The following NUPR2 variants were observed in gnomAD, a reference collection of about 807,000 sequenced individuals.
The protein encoded by NUPR2 is nuclear protein 2, transcriptional regulator, also known as nuclear protein 2.
In NUPR2, 14 loss-of-function variants were observed where a neutral mutation model predicts 7.3. That is an observed-to-expected ratio of 1.93 (90% CI 1.27 to 3.01). The LOEUF is 3.01. Ranked by LOEUF, NUPR2 falls within the 30% of genes most tolerant of loss-of-function variation. The pLI is 0.00. For missense variants in NUPR2, 162 were observed against 143.7 expected (o/e 1.13, Z -0.65); for synonymous variants, 56 against 59.7 (o/e 0.94, Z 0.29).
chr7:56,114,856 G>C lies in NUPR2; in HGVS notation c.*48C>G, dbSNP rs1174443817. ...CTCTCCTCCTCAGAACCAAGTTACA[G>C]TTGGAGTTACAGTAAATACTTCGAA... On this transcript the variant is annotated 3_prime_UTR_variant, in exon 2 of 2. Transcript: ENST00000329309. 1 of 152,244 alleles carries C rather than the reference G, an allele frequency of 6.6e-6. No homozygotes were observed. The highest frequency in any genetic ancestry group is 2.4e-5 in the African/African-American group (1 of 41,462). The allele number at this position is 152,244 out of a possible 1,614,324, so 9.4% of individuals were successfully genotyped here.
Position 56,116,299 on chromosome 7 carries a change from C to G in NUPR2, c.16G>C (p.Glu6Gln), listed in dbSNP as rs1218858687. 30 of 1,452,588 alleles carry G rather than the reference C, an allele frequency of 2.1e-5. No individual in the cohort carries two copies. The highest frequency in any genetic ancestry group is 1.1e-4 in the East Asian group (4 of 35,682). 90.0% of individuals were successfully genotyped at this position (1,452,588 alleles called of 1,614,324 possible). Residue 6 changes from glutamate (E) to glutamine (Q), a missense_variant, in exon 1 of 2, where the codon GAG becomes CAG. Transcript: ENST00000329309. MEAPA[E>Q]RALPRLQALA... The stretch of plus-strand genomic sequence containing the variant: ...GCCTGCAGACGTGGAAGCGCCCGCT[C>G]TGCGGGCGCTTCCATCCTGCCCAGG...
intron 1 of NUPR2, among the ~76,000 whole-genome samples, chr7:56,115,563 C>T (rs1214712374): frequency 1.4e-5 from 2 of 141,296 alleles, no homozygotes; most frequent in African/African-American, 5.3e-5. Flanking sequence ...TCAAGCCATT[C>T]CCCTGCTTCA....
rs1215839928 is a variant in NUPR2, at chr7:56,115,437, G to T, written c.*7-540C>A. 8.4e-3 allele frequency among the ~76,000 whole-genome samples: 122 copies of T among 14,586 alleles called. 12 individuals are homozygous for T. The highest frequency in any genetic ancestry group is 0.041 in the African/African-American group (109 of 2,640). The allele number at this position is 14,586 out of a possible 152,430, so 9.6% of individuals were successfully genotyped here. ...TATATATATATATATATTTGTGTGTGTGTGTGTGTGTGTGTGTGTGTGTGT... is the reference window on the plus strand; with the variant it reads ...TATATATATATATATATTTGTGTGTTTGTGTGTGTGTGTGTGTGTGTGTGT... On this transcript the variant is annotated intron_variant, in intron 1 of 1. Coordinates refer to ENST00000329309, the MANE Select transcript of NUPR2 (RefSeq NM_001145712.2).
At chr7:56,115,649 T>A (rs1359293795) in intron 1 of NUPR2, among the ~76,000 whole-genome samples, 4 of 110,480 alleles carry the variant, frequency 3.6e-5, no homozygotes, top group East Asian at 7.7e-4. Flanking sequence ...ATATATATAT[T>A]TTAGTAGAGA....
chr7:56,115,426 TATTTGTGTGTG>T (rs1785528207), intron 1 of NUPR2, among the ~76,000 whole-genome samples: 9 of 48,712 alleles, frequency 1.8e-4, no homozygotes, highest in Non-Finnish European at 2.9e-4. Flanking sequence ...TATATATATA[TATTTGTGTGTG>T]TGTGTGTGTG....
At position 56,116,045 on chromosome 7, in the gene NUPR2, G is replaced by C. The variant is rs991181610; in HGVS notation, c.270C>G (p.Pro90=). The change falls in exon 1 of 2, where the codon CCC becomes CCG. Residue 90 remains proline, a synonymous_variant. Transcript: ENST00000329309. The stretch of plus-strand genomic sequence containing the variant: ...CTCAGGTGAGGCGAGTGCGCATCTT[G>C]GGATGCAGCTGGCGCTGGCGGCGCT... ...QRKRRQRQLH[P]KMRTRLT is the part of the protein sequence containing the mutation. 12 of 1,492,218 alleles carry C rather than the reference G, an allele frequency of 8.0e-6. No individual in the cohort carries two copies. Among genetic ancestry groups the C allele is most frequent in the Non-Finnish European group, 9.8e-6 (11 of 1,123,684 alleles). 92.4% of individuals were successfully genotyped at this position (1,492,218 alleles called of 1,614,324 possible).
chr7:56,115,420 T>TATATAC (rs1554376510), intron 1 of NUPR2, among the ~76,000 whole-genome samples: 16 of 52,186 alleles, frequency 3.1e-4, no homozygotes, highest in African/African-American at 4.1e-4. Flanking sequence ...TATATATATA[T>TATATAC]ATATATATTT....
chr7:56,115,975 C>A, intron 1 of NUPR2, 40 bp downstream of exon 1: 1 of 1,410,466 alleles, frequency 7.1e-7, no homozygotes, highest in South Asian at 1.5e-5. Context: ...CTCCTAGGGT[C>A]CCCGGGGCAC....
chr7:56,115,429 T>TATATATGTATATATATATA (rs1554376538), intron 1 of NUPR2, among the ~76,000 whole-genome samples: 410 of 30,862 alleles, frequency 0.013, 14 homozygotes, highest in East Asian at 0.063. Context: ...ATATATATAT[T>TATATATGTATATATATATA]TGTGTGTGTG....
chr7:56,114,934 T>G (rs1360073540), intron 1 of NUPR2, 37 bp from the exon 2 acceptor site: 1 of 152,138 alleles, frequency 6.6e-6, no homozygotes, highest in Non-Finnish European at 1.5e-5. Context: ...GGTCATTTAC[T>G]TTTTTGTTTT....
rs1209735600 is a variant in NUPR2, at chr7:56,116,239, C to T, written c.76G>A (p.Glu26Lys). The T allele has an allele frequency of 1.2e-5, 19 of 1,543,826 alleles. No individual in the cohort carries two copies. The highest frequency in any genetic ancestry group is 1.6e-5 in the Non-Finnish European group (18 of 1,144,066). The change falls in exon 1 of 2, where the codon GAG (glutamate) becomes AAG (lysine). Residue 26 changes from glutamate to lysine, a missense_variant. Physicochemically the swap from Glu to Lys is moderately conservative, Grantham distance 56. Transcript: ENST00000329309. ...TAGTCCAGGCAGTCGTAAAGCTCCT[C>T]CTCGTAGCTTATGGGTGGCGGCGGC... ...ARPPPPISYE[E>K]ELYDCLDYYY...
rs1162493351 is a variant in NUPR2 at position 56,116,294 on chromosome 7, CCGCTCTGCGGG to C, written c.10_20del (p.Pro4GlyfsTer105). The C allele has an allele frequency of 4.6e-5, 68 of 1,463,946 alleles. No individual in the cohort carries two copies. The highest frequency in any genetic ancestry group is 5.6e-5 in the Non-Finnish European group (63 of 1,116,580). 90.7% of individuals were successfully genotyped at this position (1,463,946 alleles called of 1,614,324 possible). On this transcript the variant is annotated frameshift_variant, in exon 1 of 2. Coordinates refer to ENST00000329309, the MANE Select transcript of NUPR2 (RefSeq NM_001145712.2). LOFTEE classifies it high-confidence loss of function. ...CCAGAGCCTGCAGACGTGGAAGCGC[CCGCTCTGCGGG>C]CGCTTCCATCCTGCCCAGGCCTGTG...
At chr7:56,115,428 T>TG (rs58684972) in intron 1 of NUPR2, among the ~76,000 whole-genome samples, 154 of 45,770 alleles carry the variant, frequency 3.4e-3, no homozygotes, top group South Asian at 9.3e-3. Context: ...TATATATATA[T>TG]TTGTGTGTGT....
Position 56,116,302 on chromosome 7 carries a change from C to G in NUPR2, c.13G>C (p.Ala5Pro). 39 of 1,390,668 alleles carry G rather than the reference C, an allele frequency of 2.8e-5. No homozygotes were observed. Among genetic ancestry groups the G allele is most frequent in the Admixed American group, 6.8e-5 (2 of 29,460 alleles). 86.1% of individuals were successfully genotyped at this position (1,390,668 alleles called of 1,614,324 possible). ...TGCAGACGTGGAAGCGCCCGCTCTGCGGGCGCTTCCATCCTGCCCAGGCCT... is the reference window on the plus strand; with the variant it reads ...TGCAGACGTGGAAGCGCCCGCTCTGGGGGCGCTTCCATCCTGCCCAGGCCT... MEAP[A>P]ERALPRLQAL... The change falls in exon 1 of 2, where the codon GCA (alanine) becomes CCA (proline). Residue 5 changes from alanine (A) to proline (P), a missense_variant. Physicochemically the swap from Ala to Pro is conservative, Grantham distance 27. Coordinates refer to ENST00000329309, the MANE Select transcript of NUPR2 (RefSeq NM_001145712.2).
At chr7:56,115,647 A>T (rs529986893) in intron 1 of NUPR2, among the ~76,000 whole-genome samples, 17 of 119,316 alleles carry the variant, frequency 1.4e-4, no homozygotes, top group African/African-American at 5.0e-4. Flanking sequence ...ATATATATAT[A>T]TTTTAGTAGA....
chr7:56,116,167 C>T lies in NUPR2; in HGVS notation c.148G>A (p.Gly50Ser). ...AGCGCCTGCTCGCGCCGAGTCCGGC[C>T]CTTGCTGCGCCCTGCCCCGCAGGCC... The part of the protein sequence containing the change: ...FPACGAGRSK[G>S]RTRREQALRT... The change falls in exon 1 of 2, where the codon GGC becomes AGC. Residue 50 changes from glycine (G) to serine (S), a missense_variant. Physicochemically the swap from Gly to Ser is moderately conservative, Grantham distance 56 (BLOSUM62 0). Coordinates refer to ENST00000329309, the MANE Select transcript of NUPR2 (RefSeq NM_001145712.2). The T allele has an allele frequency of 1.3e-6, 2 of 1,548,196 alleles. No homozygotes were observed. The highest frequency in any genetic ancestry group is 1.7e-6 in the Non-Finnish European group (2 of 1,145,752).
chr7:56,115,447 G>GTATATATATATATATATA (rs1167993713), intron 1 of NUPR2, among the ~76,000 whole-genome samples: 4 of 36,018 alleles, frequency 1.1e-4, no homozygotes, highest in East Asian at 3.2e-3. Flanking sequence ...GTGTGTGTGT[G>GTATATATATATATATATA]TGTGTGTGTG....
At chr7:56,115,429 T>TATATATTTGTG (rs1554376538) in intron 1 of NUPR2, among the ~76,000 whole-genome samples, 1 of 30,988 alleles carries the variant, frequency 3.2e-5, no homozygotes, top group Non-Finnish European at 5.4e-5. Flanking sequence ...ATATATATAT[T>TATATATTTGTG]TGTGTGTGTG....
At chr7:56,115,610 A>G (rs1785535220) in intron 1 of NUPR2, among the ~76,000 whole-genome samples, 1 of 100,814 alleles carries the variant, frequency 9.9e-6, no homozygotes, top group South Asian at 3.2e-4. Context: ...CGCGCACCAC[A>G]GTGCCTGGCT....
Sources: allele counts gnomAD v4.1 joint callset (sites outside exome capture counted in the v4.1 genomes callset), GRCh38; gene constraint gnomAD v4.1.1; transcripts MANE v1.5; gene names NCBI Gene and HGNC (gene_info 2026-07-23, HGNC 2026-07-21).